The following RFX7 variants were observed in gnomAD, a reference collection of about 807,000 sequenced individuals.
The protein encoded by RFX7 is regulatory factor X7.
Under a neutral mutation model 111.8 loss-of-function variants are expected in RFX7, and 26 were observed. The observed-to-expected ratio is 0.23, with a 90% confidence interval of 0.17 to 0.32. RFX7 has a LOEUF of 0.32. RFX7 is among the 10% of genes least tolerant of loss of function. RFX7 has a pLI of 1.00. For missense variants in RFX7, 1,573 were observed against 1,772.9 expected (o/e 0.89, Z 2.02); for synonymous variants, 624 against 624.4 (o/e 1.00, Z 0.01).
At position 56,096,342 on chromosome 15, in the gene RFX7, T is replaced by G. The variant is rs2041677195; in HGVS notation, c.1386A>C (p.Val462=). 2 of 1,613,940 alleles carry G rather than the reference T, an allele frequency of 1.2e-6. No homozygotes were observed. The highest frequency in any genetic ancestry group is 1.7e-6 in the Non-Finnish European group (2 of 1,179,870). Residue 462 remains valine (V), a synonymous_variant, in exon 10 of 10, where the codon GTA becomes GTC. Coordinates refer to ENST00000559447, the MANE Select transcript of RFX7 (RefSeq NM_022841.7). The part of the protein sequence containing the change: ...FTSSPIKTAV[V]PASHMSSLNV... ...TTAGAGAACTCATGTGTGAAGCGGG[T>G]ACAACAGCAGTTTTGATGGGACTAC...
intron 3 of RFX7, among the ~76,000 whole-genome samples, chr15:56,170,134 G>T (rs371969762): frequency 6.6e-6 from 1 of 152,036 alleles, no homozygotes; most frequent in South Asian, 2.1e-4. Flanking sequence ...TATTGATCAC[G>T]TTCATGTGCC....
intron 6 of RFX7, 57 bp downstream of exon 6, chr15:56,103,497 G>A (rs2041786529): frequency 4.5e-6 from 5 of 1,111,520 alleles, no homozygotes; most frequent in African/African-American, 3.1e-5. Context: ...AACAATAGAT[G>A]TTCTATAACA....
In RFX7 at chr15:56,144,401, C is replaced by T; in HGVS notation, c.278G>A (p.Ser93Asn). The change falls in exon 4 of 10, where the codon AGT (serine) becomes AAT (asparagine). Residue 93 changes from serine (S) to asparagine (N), a missense_variant and splice_region_variant. Ser to Asn is a conservative substitution (Grantham distance 46). Around this residue, in one of 7 missense-constraint regions of RFX7, gnomAD observed 191 missense variants for 194.2 expected, o/e 0.98. Transcript: ENST00000559447. ...ATAGCAAAGACAAGAATAGATATAC[C>T]TTTTCTCTCCATTGCTGAGACCAGA... is the stretch of plus-strand genomic sequence containing the variant. ...LPSGLSNGEK[S>N]DQNAMSSSRA... 7.4e-7 allele frequency: 1 copy of T among 1,352,690 alleles called. No individual in the cohort carries two copies. The highest frequency in any genetic ancestry group is 9.9e-7 in the Non-Finnish European group (1 of 1,008,794). The allele number at this position is 1,352,690 out of a possible 1,614,324, so 83.8% of individuals were successfully genotyped here. A position where few individuals can be genotyped will look rare whatever the true frequency, so the allele number is the denominator to read the frequency against.
At position 56,101,433 on chromosome 15, in the gene RFX7, C is replaced by A. The variant is rs749869224; in HGVS notation, c.737G>T (p.Arg246Leu). The change falls in exon 8 of 10, where the codon CGC becomes CTC. Residue 246 changes from arginine to leucine, a missense_variant. Coordinates refer to ENST00000559447, the MANE Select transcript of RFX7 (RefSeq NM_022841.7). Reference protein sequence around the residue: ...QPFDTVLELARFLVKSHYIGT... With the variant: ...QPFDTVLELALFLVKSHYIGT... Reference sequence around the variant, plus strand: ...TATATAGTGACTTTTTACAAGGAAGCGGGCTAATTCCAAGACGGTGTCAAA... The same window carrying A: ...TATATAGTGACTTTTTACAAGGAAGAGGGCTAATTCCAAGACGGTGTCAAA... The A allele has an allele frequency of 1.2e-6, 2 of 1,612,888 alleles. No individual in the cohort carries two copies. The highest frequency in any genetic ancestry group is 8.5e-7 in the Non-Finnish European group (1 of 1,179,560).
intron 3 of RFX7, among the ~76,000 whole-genome samples, chr15:56,172,717 A>G (rs2042858581): frequency 6.6e-6 from 1 of 152,216 alleles, no homozygotes; most frequent in South Asian, 2.1e-4. Flanking sequence ...GCAGCAAGAA[A>G]AGAAGAGGCG....
chr15:56,238,591 C>T lies in RFX7; in HGVS notation c.161+4534G>A, dbSNP rs922707054. On this transcript the variant is annotated intron_variant, in intron 2 of 9. Coordinates refer to ENST00000559447, the MANE Select transcript of RFX7 (RefSeq NM_022841.7). ...GGGCAAAACGATAGATCTTATATGA[C>T]CGTTTTAAGAAGAGGCTTATGAGGT... Among the ~76,000 whole-genome samples, 6 of 152,166 alleles carry T rather than the reference C, an allele frequency of 3.9e-5. No individual in the cohort carries two copies. The South Asian group carries it at 1.2e-3, about 32-fold the overall frequency.
chr15:56,144,958 A>G (rs1320497591), intron 3 of RFX7, among the ~76,000 whole-genome samples: 1 of 152,192 alleles, frequency 6.6e-6, no homozygotes, highest in Non-Finnish European at 1.5e-5. Flanking sequence ...AAATATTTAC[A>G]ACATGTGACT....
Position 56,094,740 on chromosome 15 carries a change from A to G in RFX7, c.2988T>C (p.Ser996=). 6.2e-7 allele frequency: 1 copy of G among 1,613,786 alleles called. No individual in the cohort carries two copies. ...GAGTACCAATGGGTGTATGTCGGCT[A>G]CTTCCTAAAGCACTATCCACAGGTG... ...QTTPVDSALG[S]SRHTPIGTPH... Residue 996 remains serine, a synonymous_variant, in exon 10 of 10, where the codon AGT becomes AGC. Coordinates refer to ENST00000559447, the MANE Select transcript of RFX7 (RefSeq NM_022841.7).
rs2043741971 is a variant in RFX7 at position 56,243,481 on chromosome 15, G to C, written c.-39C>G. ...AGTGAGTCGCTTTCGCCTGCCGCCT[G>C]GGGAACATCACCGGGGAGACCAGCG... On this transcript the variant is annotated 5_prime_UTR_variant, in exon 1 of 10. Coordinates refer to ENST00000559447, the MANE Select transcript of RFX7 (RefSeq NM_022841.7). The C allele has an allele frequency of 1.0e-6, 1 of 984,968 alleles. No individual in the cohort carries two copies. The highest frequency in any genetic ancestry group is 1.7e-5 in the African/African-American group (1 of 57,242). 61.0% of individuals were successfully genotyped at this position (984,968 alleles called of 1,614,324 possible).
At chr15:56,233,019 C>A (rs983893455) in intron 2 of RFX7, among the ~76,000 whole-genome samples, 1 of 152,182 alleles carries the variant, frequency 6.6e-6, no homozygotes, top group Non-Finnish European at 1.5e-5. Flanking sequence ...TGCCTGTTAC[C>A]CAGTTCCAAA....
rs1309102600 is a variant in RFX7, at chr15:56,135,867, T to C, written c.401+6911A>G. 4.1e-3 allele frequency among the ~76,000 whole-genome samples: 617 copies of C among 152,298 alleles called. 3 individuals carry two copies. Among genetic ancestry groups the C allele is most frequent in the Non-Finnish European group, 7.2e-3 (490 of 68,016 alleles). The stretch of plus-strand genomic sequence containing the variant: ...AGTTTTCCCAGTACCATTTATTAAA[T>C]AGGGAATCCTTTCCCCATTGCTTGT... On this transcript the variant is annotated intron_variant, in intron 5 of 9. Transcript: ENST00000559447.
chr15:56,226,686 C>T (rs2043488054), intron 2 of RFX7, among the ~76,000 whole-genome samples: 1 of 152,278 alleles, frequency 6.6e-6, no homozygotes, highest in South Asian at 2.1e-4. Flanking sequence ...ATTGTAAATA[C>T]TTAAGCATTG....
chr15:56,234,654 C>T (rs562017456), intron 2 of RFX7, among the ~76,000 whole-genome samples: 2 of 152,144 alleles, frequency 1.3e-5, no homozygotes, highest in African/African-American at 4.8e-5. Flanking sequence ...CAAGATGTCA[C>T]TGAAGTGACA....
rs142883683 is a variant in RFX7 at position 56,198,781 on chromosome 15, T to G, written c.162-19478A>C. On this transcript the variant is annotated intron_variant, in intron 2 of 9. Coordinates refer to ENST00000559447, the MANE Select transcript of RFX7 (RefSeq NM_022841.7). ...AGATAAATAAGATTAGCTATGAAAC[T>G]AATTGTTAAAGTTGAATAATAAAGA... Among the ~76,000 whole-genome samples, 692 of 152,254 alleles carry G rather than the reference T, an allele frequency of 4.5e-3. 10 individuals carry two copies. The highest frequency in any genetic ancestry group is 0.016 in the African/African-American group (668 of 41,514).
At position 56,243,228 on chromosome 15, in the gene RFX7, G is replaced by C. The variant is rs536003334; in HGVS notation, c.58C>G (p.Pro20Ala). The C allele has an allele frequency of 7.6e-7, 1 of 1,321,410 alleles. No individual in the cohort carries two copies. Among genetic ancestry groups the C allele is most frequent in the Non-Finnish European group, 1.0e-6 (1 of 1,000,146 alleles). 81.9% of individuals were successfully genotyped at this position (1,321,410 alleles called of 1,614,324 possible). The change falls in exon 2 of 10, where the codon CCC (proline) becomes GCC (alanine). Residue 20 changes from proline (P) to alanine (A), a missense_variant. Pro to Ala is a conservative substitution (Grantham distance 27). This residue lies in a region of RFX7 where 191 missense variants were observed against 194.2 expected (regional missense o/e 0.98). Coordinates refer to ENST00000559447, the MANE Select transcript of RFX7 (RefSeq NM_022841.7). ...ACCCCCGAGTTGGGGGCGCTGGGGGGAAGCTGCTGATGGGCATCAGGCTGC... is the reference window on the plus strand; with the variant it reads ...ACCCCCGAGTTGGGGGCGCTGGGGGCAAGCTGCTGATGGGCATCAGGCTGC... Reference protein sequence around the residue: ...PQQPDAHQQLPPSAPNSGVAL... With the variant: ...PQQPDAHQQLAPSAPNSGVAL...
chr15:56,203,611 A>G (rs1173380184), intron 2 of RFX7, among the ~76,000 whole-genome samples: 1 of 152,184 alleles, frequency 6.6e-6, no homozygotes. Context: ...CAGGTCATAA[A>G]GACCTTGCTG....
intron 2 of RFX7, among the ~76,000 whole-genome samples, chr15:56,225,214 A>C (rs950341395): frequency 2.0e-5 from 3 of 152,172 alleles, no homozygotes; most frequent in Non-Finnish European, 4.4e-5. Context: ...ATAACTCCAG[A>C]GCCCATTTAT....
intron 3 of RFX7, among the ~76,000 whole-genome samples, chr15:56,168,342 G>A (rs1240628200): frequency 6.6e-6 from 1 of 152,146 alleles, no homozygotes; most frequent in Non-Finnish European, 1.5e-5. Flanking sequence ...CTTACTTTTT[G>A]ATAATCACTG....
chr15:56,123,248 T>A (rs139276975), intron 5 of RFX7, among the ~76,000 whole-genome samples: 29 of 152,212 alleles, frequency 1.9e-4, no homozygotes, highest in African/African-American at 6.5e-4. Flanking sequence ...AATGGTATTA[T>A]TCAGGGCCCA....
Sources: gnomAD v4.1 joint callset for allele counts (sites outside exome capture counted in the v4.1 genomes callset) on GRCh38, gnomAD v4.1.1 for gene constraint, gnomAD v4.1.1 regional missense constraint, MANE v1.5 for transcripts, NCBI Gene and HGNC (gene_info 2026-07-23, HGNC 2026-07-21) for gene names.